CKAP5: variants seen among roughly 807,000 people sequenced by gnomAD.
CKAP5 encodes the protein cytoskeleton-associated protein 5.
CKAP5 carries 27 observed loss-of-function variants against 232.8 expected under a neutral mutation model. That is an observed-to-expected ratio of 0.12 (90% CI 0.09 to 0.16). The LOEUF (loss-of-function observed/expected upper bound fraction) is 0.16. CKAP5 is among the 10% of genes least tolerant of loss of function. CKAP5 has a pLI of 1.00. For missense variants in CKAP5, 1,838 were observed against 2,424.7 expected (o/e 0.76, Z 5.08); for synonymous variants, 785 against 841.1 (o/e 0.93, Z 1.16).
intron 13 of CKAP5, among the ~76,000 whole-genome samples, chr11:46,791,412 T>C (rs1216036563): frequency 6.6e-6 from 1 of 151,920 alleles, no homozygotes; most frequent in Non-Finnish European, 1.5e-5. Context: ...AGCACAGTAG[T>C]TCACACCTGT....
intron 31 of CKAP5, 120 bp from the exon 32 acceptor site, chr11:46,762,313 T>A: frequency 9.0e-7 from 1 of 1,113,724 alleles, no homozygotes; most frequent in Non-Finnish European, 1.3e-6. Flanking sequence ...TGGCTCTGCC[T>A]AGGATTTTTT....
intron 24 of CKAP5, among the ~76,000 whole-genome samples, chr11:46,775,879 G>C (rs760995877): frequency 6.6e-6 from 1 of 151,984 alleles, no homozygotes; most frequent in African/African-American, 2.4e-5. Context: ...TGAAGATGAC[G>C]GGTTGATGGA....
chr11:46,751,646 A>C (rs1045021802), intron 38 of CKAP5, 112 bp from the exon 39 acceptor site: 1 of 853,250 alleles, frequency 1.2e-6, no homozygotes, highest in South Asian at 1.7e-5. Context: ...CAGGGCTATA[A>C]ATGTGGCACA....
intron 1 of CKAP5, among the ~76,000 whole-genome samples, chr11:46,837,720 G>C: frequency 6.6e-6 from 1 of 151,992 alleles, no homozygotes; most frequent in East Asian, 1.9e-4. Flanking sequence ...AGCTCCCAAA[G>C]GACAAAGCTG....
chr11:46,818,364 A>C lies in CKAP5; in HGVS notation c.197T>G (p.Leu66Trp), dbSNP rs777542163. The change falls in exon 3 of 44, where the codon TTG becomes TGG. Residue 66 changes from leucine (L) to tryptophan (W), a missense_variant. Physicochemically the swap from Leu to Trp is moderately conservative, Grantham distance 61. Transcript: ENST00000529230. Reference sequence around the variant, plus strand: ...AACAAGTGCAGCTTCTAATCCTTTCAATTGAACCACTGCATTGGAATCAGT... The same window carrying C: ...AACAAGTGCAGCTTCTAATCCTTTCCATTGAACCACTGCATTGGAATCAGT... ...FVTDSNAVVQ[L>W]KGLEAALVYV... 1 of 1,611,672 alleles carries C rather than the reference A, an allele frequency of 6.2e-7. No homozygotes were observed. Among genetic ancestry groups the C allele is most frequent in the Non-Finnish European group, 8.5e-7 (1 of 1,179,212 alleles).
intron 26 of CKAP5, among the ~76,000 whole-genome samples, chr11:46,769,189 G>A (rs1034473003): frequency 6.6e-6 from 1 of 152,124 alleles, no homozygotes; most frequent in African/African-American, 2.4e-5. Flanking sequence ...AAAGTGCTGG[G>A]ATTACAAGCA....
rs776473892 is a variant in CKAP5 at position 46,751,463 on chromosome 11, A to G, written c.5205T>C (p.Asp1735=). The G allele has an allele frequency of 5.0e-6, 8 of 1,613,998 alleles. No individual in the cohort carries two copies. The highest frequency in any genetic ancestry group is 6.8e-6 in the Non-Finnish European group (8 of 1,179,980). Reference sequence around the variant, plus strand: ...GGAAGACCTTCATGAAAATGTGGATATCCAGAAGAATTCTGTCTAGGTTAA... The same window carrying G: ...GGAAGACCTTCATGAAAATGTGGATGTCCAGAAGAATTCTGTCTAGGTTAA... ...NSINLDRILL[D]IHIFMKVFPK... is the part of the protein sequence containing the mutation. Residue 1735 remains aspartate (D), a synonymous_variant, in exon 39 of 44, where the codon GAT becomes GAC. Transcript: ENST00000529230.
rs1939024872 is a variant in CKAP5, at chr11:46,801,241, C to T, written c.1042G>A (p.Ala348Thr). The stretch of plus-strand genomic sequence containing the variant: ...CCAAATTTCTTCCTTAGCCCAACAG[C>T]CAGGCCAGTAAGACATTTTGCTGCC... ...ALAAKCLTGL[A>T]VGLRKKFGQY... Residue 348 changes from alanine (A) to threonine (T), a missense_variant, in exon 9 of 44, where the codon GCT becomes ACT. By Grantham distance (58) the Ala-to-Thr change is moderately conservative. Coordinates refer to ENST00000529230, the MANE Select transcript of CKAP5 (RefSeq NM_001008938.4). 6.2e-7 allele frequency: 1 copy of T among 1,613,698 alleles called. No homozygotes were observed. The highest frequency in any genetic ancestry group is 8.5e-7 in the Non-Finnish European group (1 of 1,179,756).
chr11:46,790,249 A>G lies in CKAP5; in HGVS notation c.1765-63T>C, dbSNP rs1166440062. On this transcript the variant is annotated intron_variant, in intron 14 of 43. Transcript: ENST00000529230. ...TTAAGGGAACAGATGACAAGAACGT[A>G]AACATACTCCAGCCAAAACTAAAAG... 3.5e-6 allele frequency: 4 copies of G among 1,155,020 alleles called. No individual in the cohort carries two copies. In the African/African-American group the frequency reaches 6.1e-5, roughly 18 times the overall value. The allele number at this position is 1,155,020 out of a possible 1,614,324, so 71.5% of individuals were successfully genotyped here. A position where few individuals can be genotyped will look rare whatever the true frequency, so the allele number is the denominator to read the frequency against.
rs2065213669 is a variant in CKAP5 at position 46,767,675 on chromosome 11, A to AAAATATATATATACTAT, written c.3323-29_3323-13dup. Reference sequence around the variant, plus strand: ...ATCTTCAGCAGGTGCTTTGAGGAAAAAAATATATATATACTATAAACTTTA... The same window carrying AAAATATATATATACTAT: ...ATCTTCAGCAGGTGCTTTGAGGAAAAAAATATATATATACTATAAATATATATATACTATAAACTTTA... On this transcript the variant is annotated splice_polypyrimidine_tract_variant and intron_variant, in intron 26 of 43. Coordinates refer to ENST00000529230, the MANE Select transcript of CKAP5 (RefSeq NM_001008938.4). The AAAATATATATATACTAT allele has an allele frequency of 6.5e-7, 1 of 1,536,548 alleles. No individual in the cohort carries two copies. Among genetic ancestry groups the AAAATATATATATACTAT allele is most frequent in the South Asian group, 1.1e-5 (1 of 88,148 alleles).
At chr11:46,782,144 GTCTCTC>G (rs779999591) in intron 18 of CKAP5, among the ~76,000 whole-genome samples, 1 of 151,696 alleles carries the variant, frequency 6.6e-6, no homozygotes, top group South Asian at 2.1e-4. Context: ...CTCTGTCTCT[GTCTCTC>G]TCTCTCTATA....
rs928332719 is a variant in CKAP5 at position 46,816,430 on chromosome 11, A to C, written c.252-26T>G. 1.5e-5 allele frequency: 24 copies of C among 1,595,454 alleles called. No individual in the cohort carries two copies. In the African/African-American group the frequency reaches 3.1e-4, roughly 21 times the overall value. ...CTGTAACATATTATAAAGAACAAAAATCCCACTTAAGTAGTAAGAATTGGA... is the reference window on the plus strand; with the variant it reads ...CTGTAACATATTATAAAGAACAAAACTCCCACTTAAGTAGTAAGAATTGGA... On this transcript the variant is annotated intron_variant, in intron 3 of 43. Coordinates refer to ENST00000529230, the MANE Select transcript of CKAP5 (RefSeq NM_001008938.4).
chr11:46,752,269 C>A (rs546892031), intron 38 of CKAP5, among the ~76,000 whole-genome samples: 40 of 141,604 alleles, frequency 2.8e-4, no homozygotes, highest in Non-Finnish European at 5.3e-4. Flanking sequence ...TTAAGATATA[C>A]ATATATAATA....
At chr11:46,753,148 C>G (rs1048103961) in intron 37 of CKAP5, 162 bp downstream of exon 37, 19 of 527,610 alleles carry the variant, frequency 3.6e-5, no homozygotes, top group Non-Finnish European at 6.2e-5. Context: ...AAAGTTTTAA[C>G]TGATATAGTT....
At chr11:46,807,015 C>T (rs1939170932) in intron 8 of CKAP5, among the ~76,000 whole-genome samples, 1 of 152,146 alleles carries the variant, frequency 6.6e-6, no homozygotes, top group Non-Finnish European at 1.5e-5. Context: ...GAAATGCTGT[C>T]TAGTATTCCT....
intron 2 of CKAP5, among the ~76,000 whole-genome samples, chr11:46,818,725 C>T (rs1939462056): frequency 6.6e-6 from 1 of 152,090 alleles, no homozygotes; most frequent in East Asian, 1.9e-4. Context: ...GTTTATGATA[C>T]TCTGCCATTC....
At chr11:46,796,726 G>GT (rs1938885982) in intron 12 of CKAP5, 86 bp downstream of exon 12, 1 of 1,456,594 alleles carries the variant, frequency 6.9e-7, no homozygotes, top group African/African-American at 1.4e-5. Flanking sequence ...AAAACTACCA[G>GT]TACTCTATAA....
At chr11:46,773,563 G>T (rs1392080385) in intron 24 of CKAP5, among the ~76,000 whole-genome samples, 2 of 145,538 alleles carry the variant, frequency 1.4e-5, no homozygotes, top group African/African-American at 5.1e-5. Flanking sequence ...TTTTTTTTGA[G>T]ATGGAATCTT....
rs767830706 is a variant in CKAP5, at chr11:46,750,514, C to A, written c.5544+14G>T. The A allele has an allele frequency of 1.9e-6, 3 of 1,612,512 alleles. No individual in the cohort carries two copies. The South Asian group carries it at 3.3e-5, about 18-fold the overall frequency. ...AAAGCAGACCCCTATTCTGCTTAAC[C>A]CTTTCACTCTCACCTCTTTAGTGTT... On this transcript the variant is annotated intron_variant, in intron 41 of 43. Coordinates refer to ENST00000529230, the MANE Select transcript of CKAP5 (RefSeq NM_001008938.4).
Sources: gnomAD v4.1 joint callset for allele counts (sites outside exome capture counted in the v4.1 genomes callset) on GRCh38, gnomAD v4.1.1 for gene constraint, MANE v1.5 for transcripts, NCBI Gene and HGNC (gene_info 2026-07-23, HGNC 2026-07-21) for gene names.